ASIC2: variants seen among roughly 807,000 people sequenced by gnomAD.
ASIC2 encodes acid-sensing ion channel 2.
In ASIC2, 25 loss-of-function variants were observed where a neutral mutation model predicts 57.3. The ratio of observed to expected loss-of-function variants is 0.44; its 90% CI spans 0.32 to 0.61. The LOEUF (loss-of-function observed/expected upper bound fraction) is 0.61. ASIC2 is among the 20% of genes least tolerant of loss of function. The pLI, the probability that ASIC2 is intolerant of heterozygous loss-of-function variation, is 0.06. For synonymous variants in ASIC2, 319 were observed against 307.5 expected, an observed-to-expected ratio of 1.04 and a Z score of -0.39; for missense variants, 641 against 738.1, an observed-to-expected ratio of 0.87 and a Z score of 1.52.
At chr17:33,941,110 A>G (rs1916182595) in intron 1 of ASIC2, among the ~76,000 whole-genome samples, 2 of 152,226 alleles carry the variant, frequency 1.3e-5, no homozygotes, top group African/African-American at 4.8e-5. Context: ...CTGATGCAGC[A>G]TGACCAGTTA....
At chr17:33,207,480 C>T (rs540165900) in intron 1 of ASIC2, among the ~76,000 whole-genome samples, 10 of 152,262 alleles carry the variant, frequency 6.6e-5, no homozygotes, top group African/African-American at 2.2e-4. Context: ...ACTATTAGAC[C>T]TGTATTGTAG....
chr17:33,492,643 G>A (rs1913798252), intron 1 of ASIC2, among the ~76,000 whole-genome samples: 1 of 152,174 alleles, frequency 6.6e-6, no homozygotes, highest in East Asian at 1.9e-4. Context: ...TTGAAGTCCT[G>A]CACAATCCAG....
At chr17:33,939,022 C>T (rs1916129091) in intron 1 of ASIC2, among the ~76,000 whole-genome samples, 1 of 152,228 alleles carries the variant, frequency 6.6e-6, no homozygotes, top group African/African-American at 2.4e-5. Flanking sequence ...GCCCTCCCAC[C>T]CAGGCAGTTC....
At chr17:33,722,624 A>T (rs1909423297) in intron 1 of ASIC2, among the ~76,000 whole-genome samples, 1 of 149,788 alleles carries the variant, frequency 6.7e-6, no homozygotes, top group Non-Finnish European at 1.5e-5. Flanking sequence ...AAAAAAAATT[A>T]GCCAGGCCTG....
intron 3 of ASIC2, among the ~76,000 whole-genome samples, chr17:33,058,410 C>G (rs1298467691): frequency 7.0e-6 from 1 of 143,018 alleles, no homozygotes; most frequent in East Asian, 2.2e-4. Context: ...TTGAAAATAC[C>G]TTTACTTCAT....
intron 1 of ASIC2, among the ~76,000 whole-genome samples, chr17:33,906,887 T>C (rs1915361242): frequency 6.6e-6 from 1 of 152,212 alleles, no homozygotes; most frequent in Admixed American, 6.5e-5. Context: ...TGAATTCTAA[T>C]TACTCTGGTC....
chr17:33,308,825 T>C (rs904768123), intron 1 of ASIC2, among the ~76,000 whole-genome samples: 7 of 151,510 alleles, frequency 4.6e-5, no homozygotes, highest in Admixed American at 4.6e-4. Flanking sequence ...TGCCTTTTTT[T>C]GTGAAAAAAA....
At chr17:33,280,435 A>G (rs12936840) in intron 1 of ASIC2, among the ~76,000 whole-genome samples, 7,578 of 147,430 alleles carry the variant, frequency 0.051, 572 homozygotes, top group African/African-American at 0.17. Flanking sequence ...TACATCCTGC[A>G]GTTGCAGCTG....
chr17:33,518,970 G>T (rs1013034464), intron 1 of ASIC2, among the ~76,000 whole-genome samples: 1 of 151,936 alleles, frequency 6.6e-6, no homozygotes, highest in African/African-American at 2.4e-5. Context: ...ACAGGCGCCC[G>T]CCACTGCGTC....
At chr17:33,239,427 C>T (rs1908422832) in intron 1 of ASIC2, among the ~76,000 whole-genome samples, 1 of 152,178 alleles carries the variant, frequency 6.6e-6, no homozygotes, top group South Asian at 2.1e-4. Flanking sequence ...ATCTGATAGT[C>T]TGTATGTTTC....
intron 1 of ASIC2, among the ~76,000 whole-genome samples, chr17:33,466,028 A>C (rs1005686577): frequency 2.0e-5 from 3 of 152,180 alleles, no homozygotes; most frequent in African/African-American, 7.2e-5. Flanking sequence ...GGGATGGGAG[A>C]TTTAAGTAGG....
chr17:33,729,251 C>T (rs1367988145), intron 1 of ASIC2, among the ~76,000 whole-genome samples: 1 of 152,030 alleles, frequency 6.6e-6, no homozygotes, highest in African/African-American at 2.4e-5. Flanking sequence ...AAAGAGGGAG[C>T]AAGAGAGAGA....
chr17:33,789,020 T>G (rs1436912022), intron 1 of ASIC2, among the ~76,000 whole-genome samples: 1 of 152,138 alleles, frequency 6.6e-6, no homozygotes, highest in Admixed American at 6.6e-5. Context: ...ATCCCATTTA[T>G]TTTTTTGAAG....
intron 1 of ASIC2, among the ~76,000 whole-genome samples, chr17:33,298,635 A>C (rs1275793745): frequency 6.6e-6 from 1 of 152,188 alleles, no homozygotes; most frequent in Non-Finnish European, 1.5e-5. Flanking sequence ...GCTGGGTCAA[A>C]TGGTATTTCT....
At chr17:33,648,360 C>A (rs1333458715) in intron 1 of ASIC2, among the ~76,000 whole-genome samples, 1 of 152,214 alleles carries the variant, frequency 6.6e-6, no homozygotes, top group Non-Finnish European at 1.5e-5. Context: ...CTGGCTAGAG[C>A]CACTAACACC....
chr17:33,819,247 GT>G (rs1169243450), intron 1 of ASIC2, among the ~76,000 whole-genome samples: 1 of 152,202 alleles, frequency 6.6e-6, no homozygotes, highest in African/African-American at 2.4e-5. Context: ...GAGGTCAGAT[GT>G]TTTAAAAGCA....
intron 1 of ASIC2, among the ~76,000 whole-genome samples, chr17:33,422,054 C>T (rs1382469525): frequency 6.6e-6 from 1 of 152,236 alleles, no homozygotes; most frequent in Non-Finnish European, 1.5e-5. Context: ...TGTTCTAGCA[C>T]TTCAACATCT....
intron 1 of ASIC2, among the ~76,000 whole-genome samples, chr17:33,194,289 A>T (rs745966664): frequency 1.3e-5 from 2 of 152,104 alleles, no homozygotes; most frequent in Non-Finnish European, 2.9e-5. Flanking sequence ...GCCATTGCTG[A>T]TCTCCACATT....
At chr17:33,462,219 G>C (rs1354625399) in intron 1 of ASIC2, among the ~76,000 whole-genome samples, 1 of 152,158 alleles carries the variant, frequency 6.6e-6, no homozygotes, top group Non-Finnish European at 1.5e-5. Context: ...CCTGGTACCT[G>C]TCCTCTTTCT....
Sources: gnomAD v4.1 joint callset for allele counts (sites outside exome capture counted in the v4.1 genomes callset) on GRCh38, gnomAD v4.1.1 for gene constraint, MANE v1.5 for transcripts, NCBI Gene and HGNC (gene_info 2026-07-23, HGNC 2026-07-21) for gene names.